Variants in KHDC1 observed in about 807,000 individuals in gnomAD.
KHDC1 encodes KH homology domain-containing protein 1.
In KHDC1, 21 loss-of-function variants were observed where a neutral mutation model predicts 24.7. That is an observed-to-expected ratio of 0.85 (90% CI 0.60 to 1.23). The LOEUF (loss-of-function observed/expected upper bound fraction) is 1.23. KHDC1 is among the 50% of genes most tolerant of loss of function. The pLI is 0.00. For missense variants in KHDC1, 274 were observed against 298.5 expected (o/e 0.92, Z 0.61); for synonymous variants, 98 against 111.7 (o/e 0.88, Z 0.77).
chr6:73,243,193 T>G (rs1766608069), intron 2 of KHDC1, among the ~76,000 whole-genome samples: 1 of 152,196 alleles, frequency 6.6e-6, no homozygotes, highest in South Asian at 2.1e-4. Flanking sequence ...CTCTCTGGTT[T>G]CAAATATAGT....
intron 2 of KHDC1, among the ~76,000 whole-genome samples, chr6:73,250,735 G>A (rs761208930): frequency 9.8e-5 from 15 of 152,358 alleles, no homozygotes; most frequent in Middle Eastern, 3.4e-3. Flanking sequence ...ACAATGAACT[G>A]TAGGTAGCAA....
intron 2 of KHDC1, chr6:73,270,478 T>A (rs1767159214): frequency 6.6e-6 from 1 of 151,530 alleles, no homozygotes; most frequent in Non-Finnish European, 1.5e-5. Context: ...TCCAAAAAAA[T>A]AAGAAAAACA....
chr6:73,298,827 T>A (rs1767811431), intron 1 of KHDC1, among the ~76,000 whole-genome samples: 1 of 152,144 alleles, frequency 6.6e-6, no homozygotes, highest in South Asian at 2.1e-4. Context: ...AGCCTCCAAC[T>A]ACTTAGCTCA....
rs59935884 is a variant in KHDC1 at position 73,259,280 on chromosome 6, CTTTTT to C, written c.207-16755_207-16751del. 9.7e-3 allele frequency among the ~76,000 whole-genome samples: 707 copies of C among 73,168 alleles called. 3 individuals carry two copies. Among genetic ancestry groups the C allele is most frequent in the African/African-American group, 0.042 (662 of 15,668 alleles). The allele number at this position is 73,168 out of a possible 152,430, so 48.0% of individuals were successfully genotyped here. A position where few individuals can be genotyped will look rare whatever the true frequency, so the allele number is the denominator to read the frequency against. ...GCTTTCTGCTGACAAATCCAATATG[CTTTTT>C]TTTTTTTTTTTTTTTTTTTTGAGAC... On this transcript the variant is annotated intron_variant, in intron 2 of 4. Transcript: ENST00000370384.
intron 2 of KHDC1, among the ~76,000 whole-genome samples, chr6:73,272,856 C>CTTTTTTTTTT (rs1158620688): frequency 1.3e-4 from 17 of 135,270 alleles, no homozygotes; most frequent in African/African-American, 2.1e-4. Context: ...CTTTTCTTTT[C>CTTTTTTTTTT]TTTTTCTTTT....
chr6:73,298,477 C>A (rs1767804014), intron 1 of KHDC1, among the ~76,000 whole-genome samples: 1 of 119,106 alleles, frequency 8.4e-6, no homozygotes, highest in African/African-American at 3.4e-5. Context: ...GCTCTGTCAC[C>A]CAGGCTGGAG....
exon 1 of KHDC1, chr6:73,309,896 A>G: frequency 1.6e-6 from 1 of 607,592 alleles, no homozygotes; most frequent in East Asian, 3.2e-5. Context: ...TGCACAGTCT[A>G]GGTGGATTAA....
intron 2 of KHDC1, among the ~76,000 whole-genome samples, chr6:73,282,462 G>A (rs1012537389): frequency 7.2e-5 from 11 of 152,008 alleles, no homozygotes; most frequent in Non-Finnish European, 1.5e-4. Flanking sequence ...CTAACTTTAG[G>A]AGGAACTTAG....
chr6:73,296,461 TAAACACACAC>T (rs1242533806), intron 1 of KHDC1, among the ~76,000 whole-genome samples: 1 of 152,028 alleles, frequency 6.6e-6, no homozygotes, highest in Non-Finnish European at 1.5e-5. Context: ...AAAAAAAAAT[TAAACACACAC>T]ATACACAAAT....
At chr6:73,264,770 T>C (rs1462869556) in intron 2 of KHDC1, among the ~76,000 whole-genome samples, 1 of 152,190 alleles carries the variant, frequency 6.6e-6, no homozygotes, top group Admixed American at 6.5e-5. Flanking sequence ...TTCCTCTAGC[T>C]GACATTGACA....
At chr6:73,277,659 T>G (rs1324818169) in intron 2 of KHDC1, among the ~76,000 whole-genome samples, 1 of 151,148 alleles carries the variant, frequency 6.6e-6, no homozygotes. Context: ...AAAACAAGCC[T>G]AGGCAGTATA....
At chr6:73,302,908 C>G (rs1562261496) in intron 1 of KHDC1, among the ~76,000 whole-genome samples, 1 of 152,154 alleles carries the variant, frequency 6.6e-6, no homozygotes, top group East Asian at 1.9e-4. Context: ...GAAACCCGGT[C>G]TCTACTAAAA....
At chr6:73,298,067 C>T (rs185503276) in intron 1 of KHDC1, among the ~76,000 whole-genome samples, 3 of 152,026 alleles carry the variant, frequency 2.0e-5, no homozygotes, top group East Asian at 1.9e-4. Context: ...GGGGCATGCC[C>T]GTATTCCCAG....
At chr6:73,292,089 AC>A in intron 1 of KHDC1, 1 of 1,611,264 alleles carries the variant, frequency 6.2e-7, no homozygotes, top group African/African-American at 1.3e-5. Context: ...GGTAAATTGG[AC>A]CTTCTTAGTG....
chr6:73,261,110 CAA>C (rs1434274913), intron 2 of KHDC1, among the ~76,000 whole-genome samples: 2 of 152,170 alleles, frequency 1.3e-5, no homozygotes, highest in African/African-American at 4.8e-5. Flanking sequence ...CCAGTTGATT[CAA>C]GTCTTGCCCT....
chr6:73,263,097 C>T (rs1767014638), intron 2 of KHDC1: 2 of 1,023,956 alleles, frequency 2.0e-6, no homozygotes, highest in Non-Finnish European at 2.3e-6. Context: ...CAGGCCTGGC[C>T]GATTGTGAGG....
intron 1 of KHDC1, among the ~76,000 whole-genome samples, chr6:73,302,012 G>T (rs537796481): frequency 6.6e-6 from 1 of 152,128 alleles, no homozygotes; most frequent in Admixed American, 6.5e-5. Context: ...GGAATGGGCT[G>T]GGTGCAGTGG....
At chr6:73,278,426 A>G (rs1767343360) in intron 2 of KHDC1, among the ~76,000 whole-genome samples, 1 of 151,784 alleles carries the variant, frequency 6.6e-6, no homozygotes, top group African/African-American at 2.4e-5. Context: ...GTCTCGCTAC[A>G]TTGCCCAGGC....
At chr6:73,257,444 C>T (rs1431971316) in intron 2 of KHDC1, among the ~76,000 whole-genome samples, 3 of 152,184 alleles carry the variant, frequency 2.0e-5, no homozygotes, top group Admixed American at 6.5e-5. Flanking sequence ...CTCACTCTTT[C>T]GCCAGACTGG....
Sources: allele counts gnomAD v4.1 joint callset (sites outside exome capture counted in the v4.1 genomes callset), GRCh38; gene constraint gnomAD v4.1.1; transcripts MANE v1.5; gene names NCBI Gene and HGNC (gene_info 2026-07-23, HGNC 2026-07-21).